Variants in SLC5A4 observed in about 807,000 individuals in gnomAD.
SLC5A4 encodes the protein probable glucose sensor protein SLC5A4.
In SLC5A4, 55 loss-of-function variants were observed where a neutral mutation model predicts 70.3. The ratio of observed to expected loss-of-function variants is 0.78; its 90% CI spans 0.63 to 0.98. The LOEUF is 0.98. Ranked by LOEUF, SLC5A4 falls within the 50% of genes least tolerant of loss-of-function variation. The pLI is 0.00. For synonymous variants in SLC5A4, 268 were observed against 305.7 expected (o/e 0.88, Z 1.29); for missense variants, 735 against 839.2 (o/e 0.88, Z 1.53).
In SLC5A4 at chr22:32,218,734, A is replaced by G. The variant is rs1418569914; in HGVS notation, c.1769-9T>C. 3 of 1,603,834 alleles carry G rather than the reference A, an allele frequency of 1.9e-6. No individual in the cohort carries two copies. The African/African-American group carries it at 4.0e-5, about 21-fold the overall frequency. ...TGATTTCTCAGGATAATCTGGAACA[A>G]AGATAAGCAAATGATTGCAGAAGAT... On this transcript the variant is annotated splice_polypyrimidine_tract_variant and intron_variant, in intron 14 of 14. Transcript: ENST00000266086.
chr22:32,272,259 C>G, the SLC5A4 span: 1 of 796,708 alleles, frequency 1.3e-6, no homozygotes, highest in Non-Finnish European at 2.3e-6. Flanking sequence ...GCCCAGCCAG[C>G]CCTTGACCAA....
At chr22:32,326,952 TCACCCCCGCAGCCTCCAG>T in the SLC5A4 span, among the ~76,000 whole-genome samples, 1 of 152,178 alleles carries the variant, frequency 6.6e-6, no homozygotes, top group Admixed American at 6.5e-5. Context: ...GGAAATGGAC[TCACCCCCGCAGCCTCCAG>T]CAGGGCCCCG....
At chr22:32,346,180 A>C in the SLC5A4 span, among the ~76,000 whole-genome samples, 6 of 152,200 alleles carry the variant, frequency 3.9e-5, no homozygotes, top group Non-Finnish European at 5.9e-5. Flanking sequence ...CATAGGCAGC[A>C]ATTTATCCCT....
intron 5 of SLC5A4, among the ~76,000 whole-genome samples, chr22:32,243,375 C>T (rs1015392198): frequency 6.6e-6 from 1 of 152,138 alleles, no homozygotes; most frequent in African/African-American, 2.4e-5. Flanking sequence ...GTACCTGACC[C>T]TAGACCGCAT....
At chr22:32,306,056 AATT>A in the SLC5A4 span, among the ~76,000 whole-genome samples, 506 of 152,280 alleles carry the variant, frequency 3.3e-3, 4 homozygotes, top group African/African-American at 0.012. Context: ...CAGAATGACA[AATT>A]ATGTGGGCAC....
At chr22:32,269,792 CT>C in the SLC5A4 span, 1 of 688,380 alleles carries the variant, frequency 1.5e-6, no homozygotes, top group Non-Finnish European at 2.7e-6. This position sits in a 1 kb window ranked among gnomAD's most constrained non-coding sequence, Gnocchi z 4.1. Flanking sequence ...CCCAGGCCAC[CT>C]TCATCTCCCA....
At chr22:32,239,559 T>TATAA (rs1926336114) in intron 5 of SLC5A4, among the ~76,000 whole-genome samples, 1 of 25,086 alleles carries the variant, frequency 4.0e-5, no homozygotes, top group Non-Finnish European at 7.3e-5. Flanking sequence ...TATATATATA[T>TATAA]ATATATATAT....
the SLC5A4 span, among the ~76,000 whole-genome samples, chr22:32,288,531 CTCTG>C: frequency 4.6e-5 from 7 of 152,214 alleles, 1 homozygote; most frequent in South Asian, 6.2e-4. Flanking sequence ...ATATTGCTTT[CTCTG>C]TCTCTTTTGT....
chr22:32,267,027 A>T, the SLC5A4 span, among the ~76,000 whole-genome samples: 2 of 152,228 alleles, frequency 1.3e-5, no homozygotes, highest in African/African-American at 4.8e-5. Context: ...ATCAAAAACA[A>T]TTTGAAATTA....
At chr22:32,304,599 T>A in the SLC5A4 span, among the ~76,000 whole-genome samples, 1 of 152,228 alleles carries the variant, frequency 6.6e-6, no homozygotes, top group Non-Finnish European at 1.5e-5. Context: ...ATGGTTGAGT[T>A]TTAAGAATTC....
At chr22:32,286,026 G>A in the SLC5A4 span, among the ~76,000 whole-genome samples, 15 of 152,230 alleles carry the variant, frequency 9.9e-5, no homozygotes, top group South Asian at 2.3e-3. Flanking sequence ...GTGAGCCACC[G>A]CTCCCAGGCC....
chr22:32,310,476 A>G, the SLC5A4 span, among the ~76,000 whole-genome samples: 1 of 151,164 alleles, frequency 6.6e-6, no homozygotes, highest in South Asian at 2.1e-4. Flanking sequence ...CTGGGCTAGC[A>G]GACAGGCTGT....
chr22:32,301,332 C>T, the SLC5A4 span, among the ~76,000 whole-genome samples: 1 of 152,162 alleles, frequency 6.6e-6, no homozygotes, highest in African/African-American at 2.4e-5. Flanking sequence ...GCCCCACCAG[C>T]AAGGTTTTTT....
At chr22:32,240,687 C>A (rs992436857) in intron 5 of SLC5A4, among the ~76,000 whole-genome samples, 1 of 152,130 alleles carries the variant, frequency 6.6e-6, no homozygotes, top group Admixed American at 6.5e-5. Context: ...TTCACCCCTA[C>A]CCTTCTCCAT....
At chr22:32,334,122 C>T in the SLC5A4 span, among the ~76,000 whole-genome samples, 1 of 145,688 alleles carries the variant, frequency 6.9e-6, no homozygotes, top group Non-Finnish European at 1.5e-5. Flanking sequence ...ACACAATATA[C>T]ATATACACAC....
chr22:32,341,628 G>A, the SLC5A4 span, among the ~76,000 whole-genome samples: 4 of 152,204 alleles, frequency 2.6e-5, no homozygotes, highest in African/African-American at 9.6e-5. Flanking sequence ...ACGCCGGAGA[G>A]CATCCTTCAA....
chr22:32,251,569 C>T (rs1427519498), intron 3 of SLC5A4, among the ~76,000 whole-genome samples: 1 of 151,980 alleles, frequency 6.6e-6, no homozygotes, highest in South Asian at 2.1e-4. Flanking sequence ...CCACCTTCCA[C>T]CATGGGACGA....
At chr22:32,228,112 G>A (rs1925511656) in intron 11 of SLC5A4, among the ~76,000 whole-genome samples, 1 of 152,198 alleles carries the variant, frequency 6.6e-6, no homozygotes, top group South Asian at 2.1e-4. Flanking sequence ...TCTGGGTGCT[G>A]GTAATTTCCA....
At chr22:32,282,000 C>T in the SLC5A4 span, among the ~76,000 whole-genome samples, 2,369 of 152,182 alleles carry the variant, frequency 0.016, 54 homozygotes, top group African/African-American at 0.053. Context: ...TGTGCCACCA[C>T]GCCTGGCTAT....
Sources: allele counts gnomAD v4.1 joint callset (sites outside exome capture counted in the v4.1 genomes callset), GRCh38; gene constraint gnomAD v4.1.1; non-coding constraint Gnocchi (gnomAD v3.1); transcripts MANE v1.5; gene names NCBI Gene and HGNC (gene_info 2026-07-23, HGNC 2026-07-21).